The following PPFIA2 variants were observed in gnomAD, a reference collection of about 807,000 sequenced individuals.
The protein encoded by PPFIA2 is PPFI scaffold protein A2.
A neutral mutation model predicts 175.5 loss-of-function variants in PPFIA2; 46 were observed. The observed-to-expected ratio is 0.26, with a 90% CI of 0.21 to 0.34. The LOEUF (loss-of-function observed/expected upper bound fraction) is 0.34, where lower values mean the gene tolerates loss of function less well. Among genes scored for constraint, PPFIA2 ranks in the 10% least tolerant of loss-of-function variants. The pLI is 1.00. For missense variants in PPFIA2, 1,179 were observed against 1,506.1 expected (o/e 0.78, Z 3.60); for synonymous variants, 568 against 511.4 (o/e 1.11, Z -1.49).
At chr12:81,673,612 T>C (rs1467922763) in intron 4 of PPFIA2, among the ~76,000 whole-genome samples, 2 of 152,036 alleles carry the variant, frequency 1.3e-5, no homozygotes, top group Admixed American at 6.6e-5. Context: ...ATCAAATTTT[T>C]ATGAATGGAA....
At chr12:81,626,884 C>T (rs1313805528) in intron 4 of PPFIA2, among the ~76,000 whole-genome samples, 1 of 151,972 alleles carries the variant, frequency 6.6e-6, no homozygotes, top group Non-Finnish European at 1.5e-5. Context: ...TTTTATACTA[C>T]ACTACCTTGA....
intron 4 of PPFIA2, among the ~76,000 whole-genome samples, chr12:81,496,684 G>A (rs895475029): frequency 6.6e-5 from 10 of 152,134 alleles, no homozygotes; most frequent in Non-Finnish European, 1.5e-5. Context: ...AGAGTCCAAT[G>A]TTTCTAGGCT....
At chr12:81,349,530 A>C (rs1052246714) in intron 17 of PPFIA2, among the ~76,000 whole-genome samples, 1 of 152,204 alleles carries the variant, frequency 6.6e-6, no homozygotes, top group African/African-American at 2.4e-5. Context: ...ATAGCTTAAC[A>C]CACATTTGAA....
intron 4 of PPFIA2, among the ~76,000 whole-genome samples, chr12:81,509,652 T>G (rs2061562333): frequency 1.3e-5 from 2 of 151,732 alleles, no homozygotes; most frequent in Non-Finnish European, 2.9e-5. Flanking sequence ...GGACTCAAAC[T>G]ATATAAAGTC....
At chr12:81,291,089 AAAG>A (rs1259219265) in intron 24 of PPFIA2, among the ~76,000 whole-genome samples, 1 of 151,906 alleles carries the variant, frequency 6.6e-6, no homozygotes, top group Non-Finnish European at 1.5e-5. Context: ...GATAATGAAA[AAAG>A]AATGACAAGA....
chr12:81,368,223 T>C (rs2034091362), intron 13 of PPFIA2: 2 of 1,168,512 alleles, frequency 1.7e-6, no homozygotes, highest in Admixed American at 4.6e-5. Context: ...AGAAGCACTA[T>C]TTCTGAAATA....
chr12:81,589,833 G>A (rs895539887), intron 4 of PPFIA2, among the ~76,000 whole-genome samples: 1 of 151,832 alleles, frequency 6.6e-6, no homozygotes, highest in African/African-American at 2.4e-5. Flanking sequence ...CTACTGAATT[G>A]TTCCCTCTGT....
At chr12:81,315,009 A>G (rs1382317097) in intron 22 of PPFIA2, among the ~76,000 whole-genome samples, 3 of 151,800 alleles carry the variant, frequency 2.0e-5, no homozygotes, top group Non-Finnish European at 4.4e-5. Context: ...GAGTAAAAGA[A>G]TAGCCTAGTT....
At chr12:81,467,742 A>G (rs1293532341) in intron 4 of PPFIA2, among the ~76,000 whole-genome samples, 7 of 152,142 alleles carry the variant, frequency 4.6e-5, no homozygotes, top group Admixed American at 2.6e-4. Context: ...AGTATAAAAC[A>G]TATTTGAGAA....
intron 3 of PPFIA2, among the ~76,000 whole-genome samples, chr12:81,715,456 A>G (rs575387365): frequency 1.3e-5 from 2 of 151,838 alleles, no homozygotes; most frequent in South Asian, 4.1e-4. Context: ...ACATTTTCTC[A>G]GATGATATCA....
intron 8 of PPFIA2, among the ~76,000 whole-genome samples, chr12:81,392,082 A>C (rs1485407151): frequency 6.6e-6 from 1 of 151,948 alleles, no homozygotes; most frequent in African/African-American, 2.4e-5. Context: ...AAAAGACAGG[A>C]CAAAAAAAGG....
intron 4 of PPFIA2, among the ~76,000 whole-genome samples, chr12:81,567,406 A>AT (rs2071565839): frequency 6.6e-6 from 1 of 152,086 alleles, no homozygotes; most frequent in African/African-American, 2.4e-5. Context: ...TTAATACCTG[A>AT]TTTTGTGCTA....
intron 11 of PPFIA2, among the ~76,000 whole-genome samples, chr12:81,374,264 T>C (rs968529868): frequency 6.6e-6 from 1 of 152,140 alleles, no homozygotes; most frequent in Non-Finnish European, 1.5e-5. Flanking sequence ...TATGATATTC[T>C]CTATACTTCT....
intron 4 of PPFIA2, among the ~76,000 whole-genome samples, chr12:81,506,716 C>T (rs992429595): frequency 6.6e-6 from 1 of 152,142 alleles, no homozygotes. Flanking sequence ...TTTATTGATT[C>T]AGCCAATCAT....
At chr12:81,392,158 G>T (rs1217233088) in intron 8 of PPFIA2, among the ~76,000 whole-genome samples, 1 of 151,826 alleles carries the variant, frequency 6.6e-6, no homozygotes, top group Non-Finnish European at 1.5e-5. Flanking sequence ...TAGGACTAAA[G>T]GTTATAAAAG....
intron 3 of PPFIA2, among the ~76,000 whole-genome samples, chr12:81,729,642 C>A (rs955948670): frequency 1.3e-5 from 2 of 151,360 alleles, no homozygotes; most frequent in Non-Finnish European, 3.0e-5. Flanking sequence ...ATTAAGGTTA[C>A]GGAATTTAAA....
intron 7 of PPFIA2, among the ~76,000 whole-genome samples, chr12:81,407,524 A>AAATAAAATAAAATAAAATAC (rs386377148): frequency 3.7e-4 from 56 of 150,666 alleles, no homozygotes; most frequent in African/African-American, 1.3e-3. Flanking sequence ...AAATAAAATA[A>AAATAAAATAAAATAAAATAC]AATACTTTAA....
At position 81,517,195 on chromosome 12, in the gene PPFIA2, C is replaced by T. The variant is rs1413088558; in HGVS notation, c.304-59329G>A. On this transcript the variant is annotated intron_variant, in intron 4 of 32. Transcript: ENST00000549396. ...CCACTCAAACTAGTGGGAAATTTGT[C>T]ACACATGTTAAATGTCTTACCGAAT... Among the ~76,000 whole-genome samples, 8 of 141,580 alleles carry T rather than the reference C, an allele frequency of 5.7e-5. No homozygotes were observed. The East Asian group carries it at 1.7e-3, about 30-fold the overall frequency. 92.9% of individuals were successfully genotyped at this position (141,580 alleles called of 152,430 possible). A position where few individuals can be genotyped will look rare whatever the true frequency, so the allele number is the denominator to read the frequency against.
intron 7 of PPFIA2, among the ~76,000 whole-genome samples, chr12:81,418,092 G>T (rs1188430952): frequency 6.6e-6 from 1 of 151,762 alleles, no homozygotes; most frequent in Non-Finnish European, 1.5e-5. Flanking sequence ...TTATTATTAT[G>T]GTTCAGCCAA....
Sources: allele counts gnomAD v4.1 joint callset (sites outside exome capture counted in the v4.1 genomes callset), GRCh38; gene constraint gnomAD v4.1.1; transcripts MANE v1.5; gene names NCBI Gene and HGNC (gene_info 2026-07-23, HGNC 2026-07-21).